Variants in EXOSC1 observed in about 807,000 individuals in gnomAD.
EXOSC1 encodes the protein exosome complex component CSL4.
In EXOSC1, 27 loss-of-function variants were observed where a neutral mutation model predicts 31.4. That is an observed-to-expected ratio of 0.86 (90% CI 0.63 to 1.18). The LOEUF (loss-of-function observed/expected upper bound fraction) is 1.18. Ranked by LOEUF, EXOSC1 falls within the 50% of genes most tolerant of loss-of-function variation. The probability of loss-of-function intolerance (pLI) is 0.00; values close to 1 mark genes in which losing one functional copy is unlikely to be tolerated. For missense variants in EXOSC1, 228 were observed against 250.3 expected (o/e 0.91, Z 0.60); for synonymous variants, 84 against 89.5 (o/e 0.94, Z 0.35).
At position 97,445,760 on chromosome 10, in the gene EXOSC1, C is replaced by CA; in HGVS notation, c.118dup (p.Cys40LeufsTer35). On this transcript the variant is annotated frameshift_variant, in exon 2 of 8. Transcript: ENST00000370902. LOFTEE classifies it high-confidence loss of function. ...GCCATTCTCGCTGCTCTTCATCAGA[C>CA]AGCCGGCAAGCGACGAAAAGATGTA... is the stretch of plus-strand genomic sequence containing the variant. The CA allele has an allele frequency of 6.2e-7, 1 of 1,613,862 alleles. No homozygotes were observed. The highest frequency in any genetic ancestry group is 8.5e-7 in the Non-Finnish European group (1 of 1,179,760).
In EXOSC1 at chr10:97,438,715, G is replaced by T; in HGVS notation, c.312-12C>A. The T allele has an allele frequency of 1.3e-6, 2 of 1,553,772 alleles. No homozygotes were observed. Among genetic ancestry groups the T allele is most frequent in the Non-Finnish European group, 1.8e-6 (2 of 1,138,616 alleles). On this transcript the variant is annotated splice_polypyrimidine_tract_variant and intron_variant, in intron 4 of 7. Transcript: ENST00000370902. ...GGACATCTTCCTTGCTATAAAAAAA[G>T]AATTAACAGAAAGATTAATTACCTG...
chr10:97,445,212 T>C (rs1215704286), intron 2 of EXOSC1: 5 of 154,472 alleles, frequency 3.2e-5, no homozygotes, highest in African/African-American at 7.3e-5. Flanking sequence ...CCTAGGAAGA[T>C]AGAAGCGTTC....
rs749167361 is a variant in EXOSC1 at position 97,441,214 on chromosome 10, CAT to C, written c.266_267del (p.Tyr89CysfsTer7). 13 of 1,614,006 alleles carry C rather than the reference CAT, an allele frequency of 8.1e-6. No individual in the cohort carries two copies. The African/African-American group carries it at 1.7e-4, about 22-fold the overall frequency. On this transcript the variant is annotated frameshift_variant, in exon 4 of 8. Transcript: ENST00000370902. LOFTEE classifies it high-confidence loss of function. ...NSRFAKVHIL[Y>X]VGSMPLKNSF... The stretch of plus-strand genomic sequence containing the variant: ...GAGTTCTTAAGAGGCATGGACCCCA[CAT>C]ACAGGATGTGTACTTTGGCAAAGCG...
Position 97,436,520 on chromosome 10 carries a change from C to T in EXOSC1, c.513G>A (p.Glu171=). 1 of 1,610,890 alleles carries T rather than the reference C, an allele frequency of 6.2e-7. No homozygotes were observed. The highest frequency in any genetic ancestry group is 1.1e-5 in the South Asian group (1 of 90,312). The change falls in exon 8 of 8, where the codon GAG becomes GAA. Residue 171 remains glutamate (E), a synonymous_variant. Coordinates refer to ENST00000370902, the MANE Select transcript of EXOSC1 (RefSeq NM_016046.5). ...TAGTGTGGGTCTTAGGGCACTGCAT[C>T]TCACACCAGCTGATGGGAACCATCT... ...GIQMVPISWC[E]MQCPKTHTKE...
chr10:97,437,921 G>GA (rs1845594853), intron 5 of EXOSC1, among the ~76,000 whole-genome samples, 171 bp from the exon 6 acceptor site: 1 of 151,944 alleles, frequency 6.6e-6, no homozygotes, highest in Non-Finnish European at 1.5e-5. Context: ...TCATACAAAT[G>GA]AAAATTTTTT....
chr10:97,438,091 A>G lies in EXOSC1; in HGVS notation c.346-341T>C, dbSNP rs189265381. On this transcript the variant is annotated intron_variant, in intron 5 of 7. Coordinates refer to ENST00000370902, the MANE Select transcript of EXOSC1 (RefSeq NM_016046.5). ...CATGGCACGACACAGGCTAGTTTTT[A>G]TATTTTTAGTAGAGACGGGGTTTCA... 1.7e-3 allele frequency among the ~76,000 whole-genome samples: 261 copies of G among 151,624 alleles called. 1 individual carries two copies. Among genetic ancestry groups the G allele is most frequent in the African/African-American group, 5.6e-3 (232 of 41,326 alleles).
At position 97,445,829 on chromosome 10, in the gene EXOSC1, A is replaced by G. The variant is rs773310597; in HGVS notation, c.50T>C (p.Leu17Ser). 31 of 1,613,800 alleles carry G rather than the reference A, an allele frequency of 1.9e-5. No homozygotes were observed. The highest frequency in any genetic ancestry group is 3.3e-5 in the Admixed American group (2 of 59,994). ...GCCGCTGCCCGGGCTGCCCTCCTCC[A>G]AGTTACACAGACGTTCGCCTGCAGA... The part of the protein sequence containing the change: ...YCIPGERLCN[L>S]EEGSPGSGTY... The change falls in exon 2 of 8, where the codon TTG becomes TCG. Residue 17 changes from leucine to serine, a missense_variant. Physicochemically the swap from Leu to Ser is moderately radical, Grantham distance 145. Coordinates refer to ENST00000370902, the MANE Select transcript of EXOSC1 (RefSeq NM_016046.5).
intron 4 of EXOSC1, among the ~76,000 whole-genome samples, chr10:97,440,058 C>T (rs1053672749): frequency 1.3e-5 from 2 of 151,448 alleles, no homozygotes; most frequent in Non-Finnish European, 2.9e-5. Context: ...CCGCAAGCTC[C>T]GCCTCCCAGG....
In EXOSC1 at chr10:97,438,285, G is replaced by A. The variant is rs150131825; in HGVS notation, c.345+385C>T. 2.5e-3 allele frequency among the ~76,000 whole-genome samples: 371 copies of A among 150,630 alleles called. 1 individual carries two copies. The Middle Eastern group carries it at 0.055, about 22-fold the overall frequency. On this transcript the variant is annotated intron_variant, in intron 5 of 7. Coordinates refer to ENST00000370902, the MANE Select transcript of EXOSC1 (RefSeq NM_016046.5). ...CAGGCTGGAGTGCAGTGATGCAATG[G>A]TAGCTCACTGCAGCCTTGGACTGCT...
chr10:97,441,026 C>T (rs1209579197), intron 4 of EXOSC1, 145 bp downstream of exon 4: 4 of 625,552 alleles, frequency 6.4e-6, no homozygotes, highest in East Asian at 5.7e-5. Context: ...TTGGATACTA[C>T]TAGGGGAGAA....
intron 4 of EXOSC1, 176 bp downstream of exon 4, chr10:97,440,995 C>T (rs1325093788): frequency 5.6e-6 from 3 of 537,016 alleles, no homozygotes; most frequent in Admixed American, 3.4e-5. Context: ...TTCCTTTTGT[C>T]CTAGATCATC....
chr10:97,445,785 A>G lies in EXOSC1; in HGVS notation c.94T>C (p.Tyr32His). The G allele has an allele frequency of 1.2e-6, 2 of 1,614,034 alleles. No individual in the cohort carries two copies. Among genetic ancestry groups the G allele is most frequent in the South Asian group, 1.1e-5 (1 of 91,084 alleles). Residue 32 changes from tyrosine to histidine, a missense_variant, in exon 2 of 8, where the codon TAC (tyrosine) becomes CAC (histidine). Physicochemically the swap from Tyr to His is moderately conservative, Grantham distance 83 (BLOSUM62 2). Coordinates refer to ENST00000370902, the MANE Select transcript of EXOSC1 (RefSeq NM_016046.5). ...CAGCCGGCAAGCGACGAAAAGATGT[A>G]GCCGTGGCGGGTGTAGGTGCCGCTG... is the stretch of plus-strand genomic sequence containing the variant. ...PGSGTYTRHGYIFSSLAGCLM... is the reference protein window; with the variant it reads ...PGSGTYTRHGHIFSSLAGCLM...
At chr10:97,442,070 G>T (rs1482663333) in intron 3 of EXOSC1, among the ~76,000 whole-genome samples, 1 of 151,450 alleles carries the variant, frequency 6.6e-6, no homozygotes, top group Non-Finnish European at 1.5e-5. Context: ...CCAGCTACTC[G>T]GGAGGCAGAG....
At chr10:97,444,281 A>G (rs1480350733) in intron 2 of EXOSC1, 2 of 152,096 alleles carry the variant, frequency 1.3e-5, no homozygotes, top group Non-Finnish European at 2.9e-5. Context: ...AGATATTTTG[A>G]GCCTCATCTT....
intron 4 of EXOSC1, among the ~76,000 whole-genome samples, 180 bp from the exon 5 acceptor site, chr10:97,438,883 C>T (rs1482229816): frequency 6.6e-6 from 1 of 151,636 alleles, no homozygotes; most frequent in Non-Finnish European, 1.5e-5. Flanking sequence ...TCTCAAGCAG[C>T]TGGAATTACA....
chr10:97,439,238 T>G (rs1453889156), intron 4 of EXOSC1, among the ~76,000 whole-genome samples: 1 of 152,110 alleles, frequency 6.6e-6, no homozygotes, highest in African/African-American at 2.4e-5. Context: ...CAAGAAAGGA[T>G]AAGGAATTTC....
chr10:97,439,277 A>C (rs984969132), intron 4 of EXOSC1, among the ~76,000 whole-genome samples: 2 of 152,182 alleles, frequency 1.3e-5, no homozygotes, highest in Non-Finnish European at 2.9e-5. Flanking sequence ...CAGAAGCACT[A>C]TAGCAAGGGC....
chr10:97,437,579 C>T, intron 6 of EXOSC1, 121 bp downstream of exon 6: 3 of 877,006 alleles, frequency 3.4e-6, no homozygotes, highest in African/African-American at 1.7e-5. Flanking sequence ...AACTCCTGAC[C>T]TCAGGTGATC....
At chr10:97,437,550 G>A in intron 6 of EXOSC1, 150 bp downstream of exon 6, 2 of 718,548 alleles carry the variant, frequency 2.8e-6, no homozygotes, top group Non-Finnish European at 4.9e-6. Context: ...GTTTCACCAT[G>A]TTGTCCAGGC....
Sources: allele counts gnomAD v4.1 joint callset (sites outside exome capture counted in the v4.1 genomes callset), GRCh38; gene constraint gnomAD v4.1.1; transcripts MANE v1.5; gene names NCBI Gene and HGNC (gene_info 2026-07-23, HGNC 2026-07-21).